NFIC: variants seen among roughly 807,000 people sequenced by gnomAD.
NFIC encodes the protein nuclear factor 1 C-type.
In NFIC, 12 loss-of-function variants were observed where a neutral mutation model predicts 54.4. The observed-to-expected ratio is 0.22, with a 90% CI of 0.14 to 0.36. The LOEUF (loss-of-function observed/expected upper bound fraction) is 0.36, where lower values mean the gene tolerates loss of function less well. NFIC is among the 10% of genes least tolerant of loss of function. The probability of loss-of-function intolerance (pLI) is 1.00; values close to 1 mark genes in which losing one functional copy is unlikely to be tolerated. For synonymous variants in NFIC, 322 were observed against 319.2 expected, an observed-to-expected ratio of 1.01 and a Z score of -0.09; for missense variants, 575 against 718.2, an observed-to-expected ratio of 0.80 and a Z score of 2.28.
intron 3 of NFIC, among the ~76,000 whole-genome samples, chr19:3,425,450 G>C (rs185010910): frequency 1.4e-4 from 21 of 152,236 alleles, no homozygotes; most frequent in Middle Eastern, 3.4e-3. Flanking sequence ...TGTTTGTTTT[G>C]TTTTGTTTTC....
Position 3,453,959 on chromosome 19 carries a change from C to T in NFIC, c.1423+43C>T, listed in dbSNP as rs2082511332. 2.0e-6 allele frequency: 3 copies of T among 1,473,874 alleles called. No individual in the cohort carries two copies. The highest frequency in any genetic ancestry group is 2.7e-6 in the Non-Finnish European group (3 of 1,117,550). 91.3% of individuals were successfully genotyped at this position (1,473,874 alleles called of 1,614,324 possible). A position where few individuals can be genotyped will look rare whatever the true frequency, so the allele number is the denominator to read the frequency against. ...GGTGCCCTGGTGGGGCGGATGTCCG[C>T]AGGGGGGCCTGTCCCCTCCCCAGCC... On this transcript the variant is annotated intron_variant, in intron 9 of 10. Coordinates refer to ENST00000443272, the MANE Select transcript of NFIC (RefSeq NM_001245002.2). The surrounding 1 kb of genome is among the most constrained non-coding windows in gnomAD (Gnocchi z 6.7).
chr19:3,453,930 A>T lies in NFIC; in HGVS notation c.1423+14A>T. On this transcript the variant is annotated intron_variant, in intron 9 of 10. Coordinates refer to ENST00000443272, the MANE Select transcript of NFIC (RefSeq NM_001245002.2). This position sits in a 1 kb window ranked among gnomAD's most constrained non-coding sequence, Gnocchi z 6.7. ...CGACCTCGCCTTGTAAGCACGCGGG[A>T]AGCGGTGCCCTGGTGGGGCGGATGT... 10 of 1,520,392 alleles carry T rather than the reference A, an allele frequency of 6.6e-6. No individual in the cohort carries two copies. Among genetic ancestry groups the T allele is most frequent in the Non-Finnish European group, 8.8e-6 (10 of 1,136,130 alleles). The allele number at this position is 1,520,392 out of a possible 1,614,324, so 94.2% of individuals were successfully genotyped here.
intron 2 of NFIC, among the ~76,000 whole-genome samples, chr19:3,422,484 G>C (rs889101853): frequency 1.3e-5 from 2 of 151,532 alleles, no homozygotes; most frequent in African/African-American, 2.4e-5. Context: ...TTGGGAGGCC[G>C]AGGCGGGCGG....
At chr19:3,435,291 G>A in intron 6 of NFIC, 84 bp downstream of exon 6, 1 of 1,435,546 alleles carries the variant, frequency 7.0e-7, no homozygotes, top group Non-Finnish European at 9.2e-7. Context: ...CCACTGCGCG[G>A]GCGCCGCGGG....
chr19:3,365,223 C>G (rs1056931080), upstream of NFIC, among the ~76,000 whole-genome samples: 6 of 152,200 alleles, frequency 3.9e-5, no homozygotes, highest in Admixed American at 3.9e-4. Flanking sequence ...CCTGGGGCAC[C>G]TGCCCCAGCT....
chr19:3,452,356 G>T lies in NFIC; in HGVS notation c.1085-126G>T, dbSNP rs2046840385. On this transcript the variant is annotated intron_variant, in intron 7 of 10. Coordinates refer to ENST00000443272, the MANE Select transcript of NFIC (RefSeq NM_001245002.2). This position sits in a 1 kb window ranked among gnomAD's most constrained non-coding sequence, Gnocchi z 5.3. ...TGGTCAGTGCTGCTGGGTTTTTTTG[G>T]TGGTTATTGTTACTAAACGCACTGA... The T allele has an allele frequency of 4.7e-6, 6 of 1,273,360 alleles. No individual in the cohort carries two copies. Among genetic ancestry groups the T allele is most frequent in the Admixed American group, 4.1e-5 (2 of 49,074 alleles). The allele number at this position is 1,273,360 out of a possible 1,614,324, so 78.9% of individuals were successfully genotyped here.
At chr19:3,439,843 C>A (rs1417145044) in intron 6 of NFIC, among the ~76,000 whole-genome samples, 2 of 151,580 alleles carry the variant, frequency 1.3e-5, no homozygotes, top group Admixed American at 1.3e-4. Flanking sequence ...CACCCACCAC[C>A]ATGCCCGGCT....
At chr19:3,462,119 C>T (rs1207202432) in intron 10 of NFIC, among the ~76,000 whole-genome samples, 3 of 151,996 alleles carry the variant, frequency 2.0e-5, no homozygotes, top group Middle Eastern at 3.4e-3. Flanking sequence ...TGCTGGCTCA[C>T]ACCTGTAATT....
chr19:3,441,080 G>C (rs1284338344), intron 6 of NFIC, among the ~76,000 whole-genome samples: 2 of 151,828 alleles, frequency 1.3e-5, no homozygotes, highest in Non-Finnish European at 2.9e-5. Context: ...ACAGTGTTGG[G>C]ATGGCAGGTG....
chr19:3,435,355 G>A, intron 6 of NFIC, 148 bp downstream of exon 6: 1 of 1,191,846 alleles, frequency 8.4e-7, no homozygotes, highest in African/African-American at 1.6e-5. Context: ...GTCGTCCCGA[G>A]CTGCGCTTGG....
intron 2 of NFIC, among the ~76,000 whole-genome samples, chr19:3,388,171 C>T (rs1015678139): frequency 2.0e-5 from 3 of 151,984 alleles, no homozygotes; most frequent in Admixed American, 6.6e-5. Flanking sequence ...GAGCCCGGCC[C>T]GGGAAGCTCA....
intron 3 of NFIC, among the ~76,000 whole-genome samples, chr19:3,430,079 C>CTT (rs1477286429): frequency 2.6e-5 from 4 of 152,136 alleles, no homozygotes; most frequent in African/African-American, 9.7e-5. Context: ...AGTTCCCCAC[C>CTT]AGCCGCCTGC....
chr19:3,404,446 G>A (rs529411917), intron 2 of NFIC, among the ~76,000 whole-genome samples: 1 of 152,286 alleles, frequency 6.6e-6, no homozygotes, highest in South Asian at 2.1e-4. Flanking sequence ...GCCCTGGGTG[G>A]CCGTGCGCGG....
chr19:3,407,762 A>G (rs972193414), intron 2 of NFIC, among the ~76,000 whole-genome samples: 1 of 152,178 alleles, frequency 6.6e-6, no homozygotes, highest in African/African-American at 2.4e-5. Context: ...AGACCCAGAC[A>G]CAGTCCAGGG....
intron 6 of NFIC, among the ~76,000 whole-genome samples, chr19:3,447,298 C>CAAAA (rs1178839836): frequency 1.3e-5 from 1 of 78,054 alleles, no homozygotes; most frequent in African/African-American, 4.6e-5. Flanking sequence ...GACTCTATCT[C>CAAAA]AAAAAAAAAA....
chr19:3,436,411 G>T (rs1384613284), intron 6 of NFIC, among the ~76,000 whole-genome samples: 1 of 143,166 alleles, frequency 7.0e-6, no homozygotes, highest in Non-Finnish European at 1.5e-5. Context: ...CTTTCCTCCT[G>T]CCTCGTCCTC....
chr19:3,410,071 C>T (rs986918025), intron 2 of NFIC, among the ~76,000 whole-genome samples: 7 of 151,820 alleles, frequency 4.6e-5, no homozygotes, highest in East Asian at 2.0e-4. Flanking sequence ...GACGGAGTCT[C>T]GCTCCTTTGC....
rs1454450907 is a variant in NFIC at position 3,467,323 on chromosome 19, A to G, written c.*4554A>G. 1 of 149,224 alleles carries G rather than the reference A, an allele frequency of 6.7e-6. No homozygotes were observed. The highest frequency in any genetic ancestry group is 1.5e-5 in the Non-Finnish European group (1 of 67,394). 9.2% of individuals were successfully genotyped at this position (149,224 alleles called of 1,614,324 possible). ...CCCCATTCCGTGGGGGCACCTGACA[A>G]TGACCCGGGTGGAGATGGGGCATGG... On this transcript the variant is annotated 3_prime_UTR_variant, in exon 11 of 11. Transcript: ENST00000443272.
At chr19:3,401,705 A>G (rs1000669080) in intron 2 of NFIC, among the ~76,000 whole-genome samples, 7 of 146,616 alleles carry the variant, frequency 4.8e-5, no homozygotes, top group Non-Finnish European at 9.0e-5. Context: ...CGCCACCCAC[A>G]TGGCAGGGTT....
Sources: allele counts gnomAD v4.1 joint callset (sites outside exome capture counted in the v4.1 genomes callset), GRCh38; gene constraint gnomAD v4.1.1; non-coding constraint Gnocchi (gnomAD v3.1); transcripts MANE v1.5; gene names NCBI Gene and HGNC (gene_info 2026-07-23, HGNC 2026-07-21).